The following FAM171A1 variants were observed in gnomAD, a reference collection of about 807,000 sequenced individuals.
FAM171A1 encodes family with sequence similarity 171 member A1.
Under a neutral mutation model 74.9 loss-of-function variants are expected in FAM171A1, and 23 were observed. The ratio of observed to expected loss-of-function variants is 0.31; its 90% CI spans 0.22 to 0.44. FAM171A1 has a LOEUF of 0.44. FAM171A1 is among the 20% of genes least tolerant of loss of function. The pLI is 1.00. For synonymous variants in FAM171A1, 527 were observed against 505.7 expected (o/e 1.04, Z -0.57); for missense variants, 1,162 against 1,159.2 (o/e 1.00, Z -0.03).
intron 1 of FAM171A1, among the ~76,000 whole-genome samples, chr10:15,299,875 G>C (rs1835207859): frequency 6.6e-6 from 1 of 152,060 alleles, no homozygotes; most frequent in African/African-American, 2.4e-5. Flanking sequence ...CTACTTGGGA[G>C]GCTGAGGCAG....
intron 3 of FAM171A1, among the ~76,000 whole-genome samples, chr10:15,268,167 C>T (rs1588522787): frequency 6.6e-6 from 1 of 152,120 alleles, no homozygotes; most frequent in East Asian, 1.9e-4. Context: ...GGCCCAGGGC[C>T]AGGGGATTGT....
chr10:15,331,253 G>A (rs1835627676), intron 1 of FAM171A1, among the ~76,000 whole-genome samples: 1 of 152,304 alleles, frequency 6.6e-6, no homozygotes, highest in East Asian at 1.9e-4. Context: ...ACATCCCTGT[G>A]GAGGGGAGGC....
At chr10:15,355,056 T>A (rs977106793) in intron 1 of FAM171A1, among the ~76,000 whole-genome samples, 1 of 152,204 alleles carries the variant, frequency 6.6e-6, no homozygotes, top group Non-Finnish European at 1.5e-5. Flanking sequence ...TCAAGTAACA[T>A]CTAGAAGCTG....
intron 1 of FAM171A1, among the ~76,000 whole-genome samples, chr10:15,346,998 C>T (rs1037078317): frequency 6.6e-6 from 1 of 152,138 alleles, no homozygotes; most frequent in African/African-American, 2.4e-5. Flanking sequence ...GCAAAAAACA[C>T]GGCTTTTTGC....
chr10:15,365,284 C>T (rs775703065), intron 1 of FAM171A1, among the ~76,000 whole-genome samples: 29 of 152,084 alleles, frequency 1.9e-4, no homozygotes, highest in Non-Finnish European at 4.0e-4. Context: ...GCAGGAATGC[C>T]GGGCTGCAGA....
chr10:15,271,054 T>C (rs1834818160), intron 3 of FAM171A1, among the ~76,000 whole-genome samples: 1 of 152,202 alleles, frequency 6.6e-6, no homozygotes, highest in African/African-American at 2.4e-5. Flanking sequence ...GACAGAAGAA[T>C]GCTTCAGACG....
rs1834032081 is a variant in FAM171A1, at chr10:15,220,991, G to A, written c.824C>T (p.Ala275Val). The A allele has an allele frequency of 6.2e-7, 1 of 1,614,020 alleles. No homozygotes were observed. Among genetic ancestry groups the A allele is most frequent in the Non-Finnish European group, 8.5e-7 (1 of 1,180,022 alleles). The change falls in exon 6 of 8, where the codon GCC (alanine) becomes GTC (valine). Residue 275 changes from alanine (A) to valine (V), a missense_variant. Physicochemically the swap from Ala to Val is moderately conservative, Grantham distance 64 (BLOSUM62 0). Coordinates refer to ENST00000378116, the MANE Select transcript of FAM171A1 (RefSeq NM_001010924.2). ...EGSQLTWTYI[A>V]PQLGYWVAAM... ...GGCCACCCAGTACCCCAACTGGGGG[G>A]CAATGTATGTCCACGTCAGCTGGCT...
At chr10:15,273,081 C>CA (rs1461593128) in intron 3 of FAM171A1, among the ~76,000 whole-genome samples, 2 of 151,842 alleles carry the variant, frequency 1.3e-5, no homozygotes, top group African/African-American at 2.4e-5. Flanking sequence ...AAAAACCCTT[C>CA]AAAAAATCAA....
chr10:15,248,918 T>G, intron 4 of FAM171A1, 103 bp from the exon 5 acceptor site: 3 of 1,048,166 alleles, frequency 2.9e-6, no homozygotes, highest in Non-Finnish European at 4.1e-6. Flanking sequence ...ACCTCCTATA[T>G]GCCAGGGACT....
At chr10:15,280,242 G>A (rs1048579127) in intron 2 of FAM171A1, among the ~76,000 whole-genome samples, 3 of 152,196 alleles carry the variant, frequency 2.0e-5, no homozygotes, top group South Asian at 2.1e-4. Flanking sequence ...AGGAGGCTCC[G>A]TGTCACGTTT....
intron 1 of FAM171A1, among the ~76,000 whole-genome samples, chr10:15,319,092 G>A (rs754297491): frequency 5.3e-5 from 8 of 152,212 alleles, no homozygotes; most frequent in Non-Finnish European, 1.0e-4. Context: ...AGTTGCAGGT[G>A]ACACGTCTGG....
At chr10:15,307,646 CAAAAAA>C (rs560861841) in intron 1 of FAM171A1, among the ~76,000 whole-genome samples, 36,377 of 92,814 alleles carry the variant, frequency 0.39, 6,076 homozygotes, top group East Asian at 0.76. Flanking sequence ...AACTCCATTT[CAAAAAA>C]AAAAAAAAAA....
chr10:15,291,689 T>A (rs1835103694), intron 1 of FAM171A1, among the ~76,000 whole-genome samples: 1 of 152,138 alleles, frequency 6.6e-6, no homozygotes. Flanking sequence ...CCCTGTTTGA[T>A]CTCTTCCCAC....
rs189871756 is a variant in FAM171A1, at chr10:15,248,822, G to A, written c.578-7C>T. 710 of 1,596,966 alleles carry A rather than the reference G, an allele frequency of 4.4e-4. 3 individuals are homozygous for A. The African/African-American group carries it at 8.0e-3, about 18-fold the overall frequency. On this transcript the variant is annotated splice_polypyrimidine_tract_variant and splice_region_variant and intron_variant, in intron 4 of 7. Coordinates refer to ENST00000378116, the MANE Select transcript of FAM171A1 (RefSeq NM_001010924.2). Reference sequence around the variant, plus strand: ...TCATGCCTGGTGCTGTTTCCTAGAAGGAAGAGGCATTTTCCATCATTTGCA... The same window carrying A: ...TCATGCCTGGTGCTGTTTCCTAGAAAGAAGAGGCATTTTCCATCATTTGCA...
intron 1 of FAM171A1, among the ~76,000 whole-genome samples, chr10:15,311,791 C>T (rs577043339): frequency 6.6e-6 from 1 of 152,334 alleles, no homozygotes; most frequent in Non-Finnish European, 1.5e-5. Flanking sequence ...GAATTCTCCT[C>T]TGCCTAGCCT....
At chr10:15,303,303 A>T (rs926498150) in intron 1 of FAM171A1, among the ~76,000 whole-genome samples, 2 of 152,196 alleles carry the variant, frequency 1.3e-5, no homozygotes, top group Non-Finnish European at 2.9e-5. Context: ...GAACTTTAAA[A>T]TCACACACGA....
chr10:15,329,584 C>A (rs141614183), intron 1 of FAM171A1, among the ~76,000 whole-genome samples: 3 of 149,772 alleles, frequency 2.0e-5, no homozygotes, highest in Non-Finnish European at 4.4e-5. Flanking sequence ...CGTGATCATG[C>A]CACTGCACTC....
intron 3 of FAM171A1, among the ~76,000 whole-genome samples, chr10:15,261,479 T>G (rs1834656237): frequency 6.6e-6 from 1 of 152,138 alleles, no homozygotes. Flanking sequence ...CCCTAAAACA[T>G]CAATAACATT....
chr10:15,374,415 T>C (rs1052889358), upstream of FAM171A1, among the ~76,000 whole-genome samples: 5 of 152,182 alleles, frequency 3.3e-5, no homozygotes, highest in Admixed American at 6.5e-5. Flanking sequence ...GCTACATCAC[T>C]CAAATTAACA....
Sources: gnomAD v4.1 joint callset for allele counts (sites outside exome capture counted in the v4.1 genomes callset) on GRCh38, gnomAD v4.1.1 for gene constraint, MANE v1.5 for transcripts, NCBI Gene and HGNC (gene_info 2026-07-23, HGNC 2026-07-21) for gene names.